Variants in SPECC1L observed in about 807,000 individuals in gnomAD.
SPECC1L encodes the protein sperm antigen with calponin homology and coiled-coil domains 1 like.
Under a neutral mutation model 116.8 loss-of-function variants are expected in SPECC1L, and 40 were observed. The observed-to-expected ratio is 0.34, with a 90% CI of 0.27 to 0.45. The LOEUF (loss-of-function observed/expected upper bound fraction) is 0.45. Among genes scored for constraint, SPECC1L ranks in the 20% least tolerant of loss-of-function variants. SPECC1L has a pLI of 1.00. For missense variants in SPECC1L, 1,110 were observed against 1,373.6 expected, an observed-to-expected ratio of 0.81 and a Z score of 3.03; for synonymous variants, 504 against 500.6, an observed-to-expected ratio of 1.01 and a Z score of -0.09.
chr22:24,366,813 TAAG>T (rs2041776674), intron 13 of SPECC1L, among the ~76,000 whole-genome samples: 1 of 152,158 alleles, frequency 6.6e-6, no homozygotes, highest in South Asian at 2.1e-4. Flanking sequence ...TAAGAGGTAT[TAAG>T]AACTTGGGGG....
At chr22:24,372,648 G>C (rs1219238192) in intron 14 of SPECC1L, among the ~76,000 whole-genome samples, 1 of 151,966 alleles carries the variant, frequency 6.6e-6, no homozygotes, top group Non-Finnish European at 1.5e-5. Flanking sequence ...GCTATCTATG[G>C]CAAACCCACA....
chr22:24,342,654 C>T (rs1398217477), intron 10 of SPECC1L, among the ~76,000 whole-genome samples: 1 of 128,314 alleles, frequency 7.8e-6, no homozygotes, highest in Non-Finnish European at 1.6e-5. Context: ...GCCTGGGCTA[C>T]AGAGCAGGAC....
chr22:24,412,000 A>ACTACC (rs945120707), intron 15 of SPECC1L, among the ~76,000 whole-genome samples: 1 of 152,228 alleles, frequency 6.6e-6, no homozygotes, highest in Non-Finnish European at 1.5e-5. Flanking sequence ...GAGGGGCCCA[A>ACTACC]GAAGCTCCGT....
In SPECC1L at chr22:24,321,622, C is replaced by T. The variant is rs199651716; in HGVS notation, c.642C>T (p.Gly214=). The T allele has an allele frequency of 3.9e-5, 63 of 1,614,068 alleles. No homozygotes were observed. Among genetic ancestry groups the T allele is most frequent in the Non-Finnish European group, 3.8e-5 (45 of 1,180,048 alleles). The change falls in exon 5 of 17, where the codon GGC becomes GGT. Residue 214 remains glycine, a synonymous_variant. Transcript: ENST00000314328. ...TGCGAGACATGCGTGCCCAGCTGGGCATTAATGAGGATCATTCTGAGGGTG... is the reference window on the plus strand; with the variant it reads ...TGCGAGACATGCGTGCCCAGCTGGGTATTAATGAGGATCATTCTGAGGGTG... The part of the protein sequence containing the change: ...NELRDMRAQL[G]INEDHSEGDE...
chr22:24,365,925 T>TTA (rs890344740), intron 13 of SPECC1L, among the ~76,000 whole-genome samples: 8 of 142,266 alleles, frequency 5.6e-5, no homozygotes, highest in African/African-American at 2.1e-4. Context: ...ATGGGTGGAG[T>TTA]GTTAGGGAAG....
chr22:24,330,936 G>T (rs1234562516), intron 8 of SPECC1L, among the ~76,000 whole-genome samples: 1 of 152,118 alleles, frequency 6.6e-6, no homozygotes, highest in African/African-American at 2.4e-5. Context: ...AAGTGCTCAG[G>T]GCAATGATCA....
intron 4 of SPECC1L, among the ~76,000 whole-genome samples, chr22:24,314,673 A>G (rs1286333870): frequency 1.3e-5 from 2 of 152,290 alleles, no homozygotes; most frequent in South Asian, 2.1e-4. Flanking sequence ...TAATACCCCC[A>G]TGATGTTTTT....
chr22:24,276,166 C>T (rs1411527578), intron 1 of SPECC1L, among the ~76,000 whole-genome samples: 9 of 152,042 alleles, frequency 5.9e-5, no homozygotes, highest in East Asian at 3.9e-4. Flanking sequence ...TGCTTGAGGC[C>T]GAGAGTTCGA....
intron 3 of SPECC1L, among the ~76,000 whole-genome samples, chr22:24,305,218 G>A (rs1013836297): frequency 3.3e-5 from 5 of 152,214 alleles, no homozygotes; most frequent in African/African-American, 7.2e-5. Context: ...CAAAACACAG[G>A]TGTTGAGTTT....
intron 6 of SPECC1L, among the ~76,000 whole-genome samples, chr22:24,328,578 G>A (rs946070789): frequency 2.6e-5 from 4 of 152,028 alleles, no homozygotes; most frequent in African/African-American, 7.2e-5. Flanking sequence ...AATTTCTAAC[G>A]GTTTTACTTT....
Position 24,411,581 on chromosome 22 carries a change from C to T in SPECC1L, c.3088-7C>T. 1 of 1,613,090 alleles carries T rather than the reference C, an allele frequency of 6.2e-7. No individual in the cohort carries two copies. Among genetic ancestry groups the T allele is most frequent in the Non-Finnish European group, 8.5e-7 (1 of 1,179,088 alleles). ...GTTGGTTACATGTTTTTCTTCCTTT[C>T]CTTCAGAATATTGACATTACAAACT... is the stretch of plus-strand genomic sequence containing the variant. On this transcript the variant is annotated splice_region_variant and splice_polypyrimidine_tract_variant and intron_variant, in intron 14 of 16. Transcript: ENST00000314328.
chr22:24,296,675 G>T (rs1306522021), intron 2 of SPECC1L, among the ~76,000 whole-genome samples: 2 of 152,248 alleles, frequency 1.3e-5, no homozygotes, highest in African/African-American at 2.4e-5. Context: ...TGCCTGGGGG[G>T]GCTCTAGAGG....
In SPECC1L at chr22:24,321,715, G is replaced by A; in HGVS notation, c.735G>A (p.Gln245=). 3 of 1,614,248 alleles carry A rather than the reference G, an allele frequency of 1.9e-6. No individual in the cohort carries two copies. The highest frequency in any genetic ancestry group is 2.5e-6 in the Non-Finnish European group (3 of 1,180,044). The change falls in exon 5 of 17, where the codon CAG becomes CAA. Residue 245 remains glutamine, a synonymous_variant. Coordinates refer to ENST00000314328, the MANE Select transcript of SPECC1L (RefSeq NM_015330.6). ...CTGATGTGGAGTCCACTTTATTGCAGTTGCAGGAACAGAATACTGCCATCC... is the reference window on the plus strand; with the variant it reads ...CTGATGTGGAGTCCACTTTATTGCAATTGCAGGAACAGAATACTGCCATCC... ...QPTDVESTLL[Q]LQEQNTAIRE...
At chr22:24,271,967 T>C (rs910417188) in intron 1 of SPECC1L, among the ~76,000 whole-genome samples, 11 of 152,200 alleles carry the variant, frequency 7.2e-5, no homozygotes, top group African/African-American at 2.7e-4. Context: ...TGAGATGAAA[T>C]CAGAGCTGTA....
rs6004136 is a variant in SPECC1L, at chr22:24,335,929, C to T, written c.2560+1356C>T. Among the ~76,000 whole-genome samples, 1,307 of 151,918 alleles carry T rather than the reference C, an allele frequency of 8.6e-3. 19 individuals are homozygous for T. Among genetic ancestry groups the T allele is most frequent in the African/African-American group, 0.03 (1,245 of 41,394 alleles). On this transcript the variant is annotated intron_variant, in intron 9 of 16. Coordinates refer to ENST00000314328, the MANE Select transcript of SPECC1L (RefSeq NM_015330.6). The stretch of plus-strand genomic sequence containing the variant: ...GACTCTGAAGTTGTTATACTTAGTA[C>T]TGGCACAAGTATTATGTATAAAGAT...
intron 6 of SPECC1L, among the ~76,000 whole-genome samples, chr22:24,327,622 C>T (rs942628558): frequency 1.3e-5 from 2 of 151,788 alleles, no homozygotes; most frequent in African/African-American, 2.4e-5. Flanking sequence ...AATGATAAAT[C>T]GTTAAGTTCT....
chr22:24,396,601 G>T (rs1443982850), intron 14 of SPECC1L, among the ~76,000 whole-genome samples: 1 of 152,100 alleles, frequency 6.6e-6, no homozygotes, highest in Non-Finnish European at 1.5e-5. Flanking sequence ...CAGCCTCAAA[G>T]AACTTTCAAG....
intron 14 of SPECC1L, among the ~76,000 whole-genome samples, chr22:24,376,957 C>G (rs1048368373): frequency 2.6e-5 from 4 of 151,888 alleles, no homozygotes; most frequent in Non-Finnish European, 5.9e-5. Flanking sequence ...TTACCACAAC[C>G]AGTTTTAGGC....
intron 2 of SPECC1L, among the ~76,000 whole-genome samples, chr22:24,279,749 A>G (rs2048906835): frequency 6.6e-6 from 1 of 151,608 alleles, no homozygotes; most frequent in South Asian, 2.1e-4. Flanking sequence ...TGCCCGGCTA[A>G]TTTTTTGTAT....
Sources: gnomAD v4.1 joint callset for allele counts (sites outside exome capture counted in the v4.1 genomes callset) on GRCh38, gnomAD v4.1.1 for gene constraint, MANE v1.5 for transcripts, NCBI Gene and HGNC (gene_info 2026-07-23, HGNC 2026-07-21) for gene names.